FGF5: variants seen among roughly 807,000 people sequenced by gnomAD.
The protein encoded by FGF5 is heparin-binding growth factor 5.
FGF5 carries 23 observed loss-of-function variants against 21.8 expected under a neutral mutation model. The observed-to-expected ratio is 1.05, with a 90% CI of 0.76 to 1.49. The LOEUF is 1.49. Ranked by LOEUF, FGF5 falls within the 40% of genes most tolerant of loss-of-function variation. The probability of loss-of-function intolerance (pLI) is 0.00; values close to 1 mark genes in which losing one functional copy is unlikely to be tolerated. For missense variants in FGF5, 352 were observed against 332.9 expected (o/e 1.06, Z -0.45); for synonymous variants, 158 against 124.0 (o/e 1.27, Z -1.82).
intron 2 of FGF5, among the ~76,000 whole-genome samples, chr4:80,283,249 G>A (rs921706753): frequency 1.3e-5 from 2 of 152,142 alleles, no homozygotes; most frequent in African/African-American, 2.4e-5. Flanking sequence ...GAGGGGCTGT[G>A]TGTACTGTGT....
In FGF5 at chr4:80,288,958, T is replaced by C. The variant is rs949929047; in HGVS notation, c.*2286T>C. ...TAAAATTAAAAAGAAAATATTAAATTACACAATTACACTTGTCTTTACTGG... is the reference window on the plus strand; with the variant it reads ...TAAAATTAAAAAGAAAATATTAAATCACACAATTACACTTGTCTTTACTGG... On this transcript the variant is annotated 3_prime_UTR_variant, in exon 3 of 3. Transcript: ENST00000312465. 1.3e-5 allele frequency: 2 copies of C among 152,412 alleles called. No individual in the cohort carries two copies. The highest frequency in any genetic ancestry group is 2.9e-5 in the Non-Finnish European group (2 of 68,002). The allele number at this position is 152,412 out of a possible 1,614,324, so 9.4% of individuals were successfully genotyped here.
In FGF5 at chr4:80,267,012, C is replaced by G; in HGVS notation, c.188C>G (p.Pro63Arg). The change falls in exon 1 of 3, where the codon CCC becomes CGC. Residue 63 changes from proline (P) to arginine (R), a missense_variant. Transcript: ENST00000312465. ...AMSSSSASSS[P>R]AASLGSQGSG... is the part of the protein sequence containing the mutation. ...TCTTCCTCTTCTGCCTCCTCCTCCC[C>G]CGCAGCTTCTCTGGGCAGCCAAGGA... is the stretch of plus-strand genomic sequence containing the variant. 1 of 1,614,258 alleles carries G rather than the reference C, an allele frequency of 6.2e-7. No individual in the cohort carries two copies. The highest frequency in any genetic ancestry group is 8.5e-7 in the Non-Finnish European group (1 of 1,180,044).
At chr4:80,281,780 A>G (rs926644632) in intron 2 of FGF5, among the ~76,000 whole-genome samples, 4 of 152,152 alleles carry the variant, frequency 2.6e-5, no homozygotes, top group African/African-American at 9.6e-5. Context: ...GAAATAATTT[A>G]TTTGGTTTAA....
intron 2 of FGF5, among the ~76,000 whole-genome samples, chr4:80,283,501 TA>T (rs1560501606): frequency 6.6e-6 from 1 of 152,132 alleles, no homozygotes; most frequent in Non-Finnish European, 1.5e-5. Context: ...ATTCCTGTTT[TA>T]AAAAAAGAAA....
chr4:80,274,107 T>C (rs1473268792), intron 1 of FGF5, among the ~76,000 whole-genome samples: 2 of 152,182 alleles, frequency 1.3e-5, no homozygotes, highest in Non-Finnish European at 2.9e-5. Context: ...AACTACTCTA[T>C]GAACAGTGGT....
intron 2 of FGF5, among the ~76,000 whole-genome samples, chr4:80,282,396 A>C (rs1462783790): frequency 6.6e-6 from 1 of 152,136 alleles, no homozygotes; most frequent in African/African-American, 2.4e-5. Flanking sequence ...AGTACAAAAA[A>C]CGCTGATTTT....
chr4:80,279,284 G>C (rs1010947159), intron 2 of FGF5, among the ~76,000 whole-genome samples: 1 of 152,220 alleles, frequency 6.6e-6, no homozygotes, highest in Non-Finnish European at 1.5e-5. Flanking sequence ...TATTGGGATA[G>C]TTAAGTGTTT....
In FGF5 at chr4:80,288,242, A is replaced by G. The variant is rs910249893; in HGVS notation, c.*1570A>G. The stretch of plus-strand genomic sequence containing the variant: ...ATGATTTATTTTGGTGCACAAATAC[A>G]AAGTGGAAACTTACCAAAATTGAAC... On this transcript the variant is annotated 3_prime_UTR_variant, in exon 3 of 3. Transcript: ENST00000312465. The G allele has an allele frequency of 6.6e-6, 1 of 152,144 alleles. No homozygotes were observed. Among genetic ancestry groups the G allele is most frequent in the African/African-American group, 2.4e-5 (1 of 41,450 alleles). 9.4% of individuals were successfully genotyped at this position (152,144 alleles called of 1,614,324 possible).
chr4:80,281,455 C>T (rs1720553422), intron 2 of FGF5, among the ~76,000 whole-genome samples: 1 of 151,996 alleles, frequency 6.6e-6, no homozygotes, highest in East Asian at 1.9e-4. Flanking sequence ...TTATATTTGG[C>T]TTTTTTTCCC....
In FGF5 at chr4:80,274,969, A is replaced by C. The variant is rs1232468183; in HGVS notation, c.416A>C (p.Asn139Thr). ...GTAGGAATACGAGGAGTTTTCAGCAACAAATTTTTAGCGATGTCAAAAAAA... is the reference window on the plus strand; with the variant it reads ...GTAGGAATACGAGGAGTTTTCAGCACCAAATTTTTAGCGATGTCAAAAAAA... Reference protein sequence around the residue: ...GIVGIRGVFSNKFLAMSKKGK... With the variant: ...GIVGIRGVFSTKFLAMSKKGK... Residue 139 changes from asparagine (N) to threonine (T), a missense_variant, in exon 2 of 3, where the codon AAC becomes ACC. Physicochemically the swap from Asn to Thr is moderately conservative, Grantham distance 65. Transcript: ENST00000312465. 6.3e-7 allele frequency: 1 copy of C among 1,599,670 alleles called. No homozygotes were observed. The highest frequency in any genetic ancestry group is 8.5e-7 in the Non-Finnish European group (1 of 1,170,506).
In FGF5 at chr4:80,287,886, TA is replaced by T. The variant is rs1222891966; in HGVS notation, c.*1221del. 1 of 152,160 alleles carries T rather than the reference TA, an allele frequency of 6.6e-6. No individual in the cohort carries two copies. Among genetic ancestry groups the T allele is most frequent in the Non-Finnish European group, 1.5e-5 (1 of 68,016 alleles). 9.4% of individuals were successfully genotyped at this position (152,160 alleles called of 1,614,324 possible). On this transcript the variant is annotated 3_prime_UTR_variant, in exon 3 of 3. Transcript: ENST00000312465. ...TTATAAGGAAACTTCTGATGTTTAT[TA>T]AAAAAACTGGCCTTTTGATAGAGGT...
rs1038287777 is a variant in FGF5 at position 80,286,490 on chromosome 4, CA to C, written c.626del (p.Gln209ArgfsTer51). 3 of 1,613,868 alleles carry C rather than the reference CA, an allele frequency of 1.9e-6. No homozygotes were observed. Among genetic ancestry groups the C allele is most frequent in the Non-Finnish European group, 2.5e-6 (3 of 1,179,990 alleles). ...KRGCSPRVKP[Q>X]HISTHFLPRF... is the part of the protein sequence containing the mutation. ...AGGGTGCAGCCCCCGGGTTAAACCC[CA>C]GCATATCTCTACCCATTTTCTGCCA... On this transcript the variant is annotated frameshift_variant, in exon 3 of 3. Coordinates refer to ENST00000312465, the MANE Select transcript of FGF5 (RefSeq NM_004464.4). LOFTEE classifies it high-confidence loss of function.
At chr4:80,286,276 C>G in intron 2 of FGF5, 49 bp from the exon 3 acceptor site, 1 of 1,300,122 alleles carries the variant, frequency 7.7e-7, no homozygotes, top group Non-Finnish European at 1.1e-6. Flanking sequence ...TTATTACATG[C>G]TGAAAAGATC....
At chr4:80,268,361 C>T (rs1046391053) in intron 1 of FGF5, 6 of 470,330 alleles carry the variant, frequency 1.3e-5, no homozygotes, top group African/African-American at 1.1e-4. Flanking sequence ...GGAAATGTAG[C>T]CAGGAGACAG....
chr4:80,267,682 ATGTATATG>A (rs1437149803), intron 1 of FGF5, among the ~76,000 whole-genome samples: 1 of 152,134 alleles, frequency 6.6e-6, no homozygotes, highest in Non-Finnish European at 1.5e-5. Flanking sequence ...AATATTGTAT[ATGTATATG>A]TATATATGTA....
In FGF5 at chr4:80,288,103, T is replaced by C. The variant is rs1244160514; in HGVS notation, c.*1431T>C. The C allele has an allele frequency of 6.6e-6, 1 of 152,182 alleles. No individual in the cohort carries two copies. Among genetic ancestry groups the C allele is most frequent in the Non-Finnish European group, 1.5e-5 (1 of 68,016 alleles). 9.4% of individuals were successfully genotyped at this position (152,182 alleles called of 1,614,324 possible). A position where few individuals can be genotyped will look rare whatever the true frequency, so the allele number is the denominator to read the frequency against. ...AGAAATGTGGCAAAAAAGGCATAGC[T>C]AAAGGCTAAACATATGGCTTTAGTA... is the stretch of plus-strand genomic sequence containing the variant. On this transcript the variant is annotated 3_prime_UTR_variant, in exon 3 of 3. Transcript: ENST00000312465.
intron 2 of FGF5, among the ~76,000 whole-genome samples, chr4:80,280,045 A>G (rs989914988): frequency 2.0e-5 from 3 of 152,228 alleles, no homozygotes; most frequent in Non-Finnish European, 2.9e-5. Flanking sequence ...AAAGCTGAAC[A>G]TATTTACTGA....
intron 1 of FGF5, among the ~76,000 whole-genome samples, 196 bp downstream of exon 1, chr4:80,267,375 G>C (rs928966255): frequency 1.3e-5 from 2 of 152,194 alleles, no homozygotes; most frequent in South Asian, 4.1e-4. Flanking sequence ...CCTCTCCTGG[G>C]CATGAGGAAT....
chr4:80,288,040 T>C lies in FGF5; in HGVS notation c.*1368T>C, dbSNP rs931555648. 1.3e-5 allele frequency: 2 copies of C among 152,168 alleles called. No individual in the cohort carries two copies. Among genetic ancestry groups the C allele is most frequent in the Admixed American group, 1.3e-4 (2 of 15,266 alleles). 9.4% of individuals were successfully genotyped at this position (152,168 alleles called of 1,614,324 possible). On this transcript the variant is annotated 3_prime_UTR_variant, in exon 3 of 3. Coordinates refer to ENST00000312465, the MANE Select transcript of FGF5 (RefSeq NM_004464.4). ...AAAATTTATTCTCAGGTAATCATTTTAATAAAGTTCTGCAAAATACACGTT... is the reference window on the plus strand; with the variant it reads ...AAAATTTATTCTCAGGTAATCATTTCAATAAAGTTCTGCAAAATACACGTT...
Sources: gnomAD v4.1 joint callset for allele counts (sites outside exome capture counted in the v4.1 genomes callset) on GRCh38, gnomAD v4.1.1 for gene constraint, MANE v1.5 for transcripts, NCBI Gene and HGNC (gene_info 2026-07-23, HGNC 2026-07-21) for gene names.